Variants in CALB1 observed in about 807,000 individuals in gnomAD.
CALB1 encodes calbindin.
In CALB1, 16 loss-of-function variants were observed where a neutral mutation model predicts 46.7. That is an observed-to-expected ratio of 0.34 (90% CI 0.23 to 0.52). The LOEUF (loss-of-function observed/expected upper bound fraction) is 0.52, where lower values mean the gene tolerates loss of function less well. Among genes scored for constraint, CALB1 ranks in the 20% least tolerant of loss-of-function variants. CALB1 has a pLI of 0.95. For synonymous variants in CALB1, 90 were observed against 112.8 expected (o/e 0.80, Z 1.28); for missense variants, 224 against 300.3 (o/e 0.75, Z 1.88).
At chr8:90,069,305 G>T in intron 3 of CALB1, 68 bp from the exon 4 acceptor site, 1 of 1,199,080 alleles carries the variant, frequency 8.3e-7, no homozygotes, top group Non-Finnish European at 1.2e-6. Context: ...GCCATTACCT[G>T]CTGCTTAGTT....
Position 90,060,006 on chromosome 8 carries a change from A to G in CALB1, c.*167T>C. 1 of 558,616 alleles carries G rather than the reference A, an allele frequency of 1.8e-6. No individual in the cohort carries two copies. The highest frequency in any genetic ancestry group is 2.8e-5 in the East Asian group (1 of 35,692). The allele number at this position is 558,616 out of a possible 1,614,324, so 34.6% of individuals were successfully genotyped here. A position where few individuals can be genotyped will look rare whatever the true frequency, so the allele number is the denominator to read the frequency against. ...CATATGGTTACAAAAACTGTATATT[A>G]CAAACAGTATAGAAACAAGCTGAAA... On this transcript the variant is annotated 3_prime_UTR_variant, in exon 11 of 11. Coordinates refer to ENST00000265431, the MANE Select transcript of CALB1 (RefSeq NM_004929.4).
chr8:90,067,194 G>T (rs532279301), intron 5 of CALB1, among the ~76,000 whole-genome samples: 1 of 152,028 alleles, frequency 6.6e-6, no homozygotes, highest in African/African-American at 2.4e-5. Flanking sequence ...ACCTTGGGAC[G>T]CAGAGATTCA....
At chr8:90,060,721 T>C (rs1563672285) in intron 9 of CALB1, 21 bp from the exon 10 acceptor site, 1 of 1,564,302 alleles carries the variant, frequency 6.4e-7, no homozygotes, top group Non-Finnish European at 8.8e-7. Context: ...AGAAATAAAA[T>C]AGTATACAAC....
At position 90,078,889 on chromosome 8, in the gene CALB1, T is replaced by C. The variant is rs1040483958; in HGVS notation, c.157-442A>G. 1.3e-5 allele frequency among the ~76,000 whole-genome samples: 2 copies of C among 152,038 alleles called. 1 individual carries two copies. Among genetic ancestry groups the C allele is most frequent in the Non-Finnish European group, 2.9e-5 (2 of 67,906 alleles). ...TGTTTTATCTATGGAGAGTAATATATGTTTTCATTTTGAACAAGCAAAAAA... is the reference window on the plus strand; with the variant it reads ...TGTTTTATCTATGGAGAGTAATATACGTTTTCATTTTGAACAAGCAAAAAA... On this transcript the variant is annotated intron_variant, in intron 2 of 10. Coordinates refer to ENST00000265431, the MANE Select transcript of CALB1 (RefSeq NM_004929.4).
At chr8:90,062,145 A>G (rs1814313072) in intron 9 of CALB1, 1 of 152,030 alleles carries the variant, frequency 6.6e-6, no homozygotes, top group South Asian at 2.1e-4. Context: ...CATGCAAAAT[A>G]ATGAAATTGG....
Position 90,063,160 on chromosome 8 carries a change from A to G in CALB1, c.547-7T>C. 1 of 1,598,728 alleles carries G rather than the reference A, an allele frequency of 6.3e-7. No individual in the cohort carries two copies. The highest frequency in any genetic ancestry group is 8.6e-7 in the Non-Finnish European group (1 of 1,166,864). On this transcript the variant is annotated splice_polypyrimidine_tract_variant and splice_region_variant and intron_variant, in intron 8 of 10. Coordinates refer to ENST00000265431, the MANE Select transcript of CALB1 (RefSeq NM_004929.4). Reference sequence around the variant, plus strand: ...TCCCACACATTTTGATTCCCTAAAGATAGAGAAGAGAGTAAATGTTAAAAT... The same window carrying G: ...TCCCACACATTTTGATTCCCTAAAGGTAGAGAAGAGAGTAAATGTTAAAAT...
chr8:90,060,014 T>C lies in CALB1; in HGVS notation c.*159A>G. 1 of 599,536 alleles carries C rather than the reference T, an allele frequency of 1.7e-6. No individual in the cohort carries two copies. The highest frequency in any genetic ancestry group is 3.0e-6 in the Non-Finnish European group (1 of 336,044). 37.1% of individuals were successfully genotyped at this position (599,536 alleles called of 1,614,324 possible). A position where few individuals can be genotyped will look rare whatever the true frequency, so the allele number is the denominator to read the frequency against. On this transcript the variant is annotated 3_prime_UTR_variant, in exon 11 of 11. Coordinates refer to ENST00000265431, the MANE Select transcript of CALB1 (RefSeq NM_004929.4). Reference sequence around the variant, plus strand: ...TACAAAAACTGTATATTACAAACAGTATAGAAACAAGCTGAAAAGAATGAG... The same window carrying C: ...TACAAAAACTGTATATTACAAACAGCATAGAAACAAGCTGAAAAGAATGAG...
At chr8:90,071,292 T>C (rs756022509) in intron 3 of CALB1, among the ~76,000 whole-genome samples, 7 of 152,194 alleles carry the variant, frequency 4.6e-5, no homozygotes, top group African/African-American at 7.2e-5. Flanking sequence ...ATCCCTTTTT[T>C]TTCCTCATCT....
At chr8:90,062,170 C>T (rs535236368) in intron 9 of CALB1, 1 of 151,938 alleles carries the variant, frequency 6.6e-6, no homozygotes, top group African/African-American at 2.4e-5. Flanking sequence ...TTAGCTTACA[C>T]CATATAAAAA....
At chr8:90,079,499 G>A (rs1446401762) in intron 2 of CALB1, among the ~76,000 whole-genome samples, 3 of 151,944 alleles carry the variant, frequency 2.0e-5, no homozygotes, top group South Asian at 4.2e-4. Flanking sequence ...TTCAACCATG[G>A]CAATAGTGGG....
intron 3 of CALB1, among the ~76,000 whole-genome samples, chr8:90,074,773 G>C (rs1814590884): frequency 1.3e-5 from 2 of 152,092 alleles, no homozygotes; most frequent in Admixed American, 1.3e-4. Flanking sequence ...GCACTGACCT[G>C]GACAGATAGA....
chr8:90,077,219 A>G (rs1057510845), intron 3 of CALB1, among the ~76,000 whole-genome samples: 19 of 152,064 alleles, frequency 1.2e-4, no homozygotes, highest in African/African-American at 4.1e-4. Context: ...TTTATATAGT[A>G]ATGAGTTACA....
chr8:90,067,909 G>A (rs1586179815), intron 5 of CALB1, among the ~76,000 whole-genome samples: 1 of 152,064 alleles, frequency 6.6e-6, no homozygotes, highest in Non-Finnish European at 1.5e-5. Flanking sequence ...GATAATACCT[G>A]CCTTGCATAT....
At position 90,065,930 on chromosome 8, in the gene CALB1, C is replaced by A; in HGVS notation, c.418G>T (p.Asp140Tyr). The change falls in exon 6 of 11, where the codon GAC becomes TAC. Residue 140 changes from aspartate to tyrosine, a missense_variant. Physicochemically the swap from Asp to Tyr is radical, Grantham distance 160. Transcript: ENST00000265431. ...TCTGTATACTCGGCTAATTTTGTGT[C>A]ATCAACAGTCTTGTTTGCTTTTTCT... ...LLEKANKTVD[D>Y]TKLAEYTDLM... The A allele has an allele frequency of 6.2e-7, 1 of 1,611,488 alleles. No homozygotes were observed. The highest frequency in any genetic ancestry group is 1.1e-5 in the South Asian group (1 of 91,006).
chr8:90,080,402 A>G (rs1814707837), intron 2 of CALB1, among the ~76,000 whole-genome samples: 1 of 152,010 alleles, frequency 6.6e-6, no homozygotes, highest in African/African-American at 2.4e-5. Flanking sequence ...AAAATAAAAT[A>G]TAATCATTAC....
chr8:90,060,724 T>TGGGAA (rs772150662), intron 9 of CALB1, 24 bp from the exon 10 acceptor site: 210 of 1,528,732 alleles, frequency 1.4e-4, no homozygotes, highest in Middle Eastern at 1.0e-3. Flanking sequence ...AATAAAATAG[T>TGGGAA]ATACAACCAA....
At chr8:90,060,768 G>A in intron 9 of CALB1, 68 bp from the exon 10 acceptor site, 1 of 1,184,546 alleles carries the variant, frequency 8.4e-7, no homozygotes, top group Non-Finnish European at 1.3e-6. Context: ...GAAGTAAAAT[G>A]GAAATAATTG....
chr8:90,063,579 T>G, intron 6 of CALB1, 118 bp from the exon 7 acceptor site: 1 of 781,396 alleles, frequency 1.3e-6, no homozygotes, highest in Admixed American at 2.9e-5. Context: ...GCAGTAAAAT[T>G]TTAAAAACTA....
rs1238949741 is a variant in CALB1, at chr8:90,059,204, C to T, written c.*969G>A. On this transcript the variant is annotated 3_prime_UTR_variant, in exon 11 of 11. Transcript: ENST00000265431. ...ATACACAAAAGTATTGATGATATAACATTCAATAATCAGGATGCTATGAAT... is the reference window on the plus strand; with the variant it reads ...ATACACAAAAGTATTGATGATATAATATTCAATAATCAGGATGCTATGAAT... 2 of 152,304 alleles carry T rather than the reference C, an allele frequency of 1.3e-5. No individual in the cohort carries two copies. The highest frequency in any genetic ancestry group is 2.4e-5 in the African/African-American group (1 of 41,334). 9.4% of individuals were successfully genotyped at this position (152,304 alleles called of 1,614,324 possible). A position where few individuals can be genotyped will look rare whatever the true frequency, so the allele number is the denominator to read the frequency against.
Sources: gnomAD v4.1 joint callset for allele counts (sites outside exome capture counted in the v4.1 genomes callset) on GRCh38, gnomAD v4.1.1 for gene constraint, MANE v1.5 for transcripts, NCBI Gene and HGNC (gene_info 2026-07-23, HGNC 2026-07-21) for gene names.